IGF1R: variants seen among roughly 807,000 people sequenced by gnomAD.
The protein encoded by IGF1R is insulin like growth factor 1 receptor, also known as insulin-like growth factor 1 receptor.
A neutral mutation model predicts 144.6 loss-of-function variants in IGF1R; 44 were observed. The observed-to-expected ratio is 0.30, with a 90% CI of 0.24 to 0.39. IGF1R has a LOEUF of 0.39. Among genes scored for constraint, IGF1R ranks in the 10% least tolerant of loss-of-function variants. The probability of loss-of-function intolerance (pLI) is 1.00; values close to 1 mark genes in which losing one functional copy is unlikely to be tolerated. For missense variants in IGF1R, 1,355 were observed against 1,833.7 expected (o/e 0.74, Z 4.77); for synonymous variants, 795 against 722.8 (o/e 1.10, Z -1.60).
intron 2 of IGF1R, among the ~76,000 whole-genome samples, chr15:98,805,753 ATT>A (rs2056458032): frequency 6.6e-6 from 1 of 152,220 alleles, no homozygotes; most frequent in Non-Finnish European, 1.5e-5. Context: ...GCCATAAATT[ATT>A]GCTTTTGTAA....
At chr15:98,776,410 T>C (rs1372307194) in intron 2 of IGF1R, among the ~76,000 whole-genome samples, 1 of 152,130 alleles carries the variant, frequency 6.6e-6, no homozygotes, top group Non-Finnish European at 1.5e-5. Context: ...GGTCTTGAAC[T>C]CCTGACCTCA....
intron 1 of IGF1R, among the ~76,000 whole-genome samples, chr15:98,702,277 A>G (rs1429123197): frequency 6.6e-6 from 1 of 152,176 alleles, no homozygotes; most frequent in Non-Finnish European, 1.5e-5. Flanking sequence ...CTTGATCTTT[A>G]GAAAATACCT....
In IGF1R at chr15:98,649,549, T is replaced by TTTA; in HGVS notation, c.-33_-32insTTA. The TTTA allele has an allele frequency of 1.5e-6, 1 of 651,920 alleles. No individual in the cohort carries two copies. 40.4% of individuals were successfully genotyped at this position (651,920 alleles called of 1,614,324 possible). On this transcript the variant is annotated 5_prime_UTR_variant, in exon 1 of 21. Coordinates refer to ENST00000650285, the MANE Select transcript of IGF1R (RefSeq NM_000875.5). ...TCTTTTTTTTTTTTTTTTTTTTTTT[T>TTTA]GAGAAAGGGGAATTTCATCCCAAAT...
rs147525735 is a variant in IGF1R at position 98,881,569 on chromosome 15, C to T, written c.641-9756C>T. 4.1e-3 allele frequency among the ~76,000 whole-genome samples: 630 copies of T among 152,284 alleles called. 2 individuals carry two copies. Among genetic ancestry groups the T allele is most frequent in the African/African-American group, 0.015 (606 of 41,562 alleles). The stretch of plus-strand genomic sequence containing the variant: ...AACTCTTGACCTCAGGTGATCCACC[C>T]GTCTCGGCCTTCCAAAGTGCTGGGA... On this transcript the variant is annotated intron_variant, in intron 2 of 20. Coordinates refer to ENST00000650285, the MANE Select transcript of IGF1R (RefSeq NM_000875.5).
At chr15:98,724,566 A>G (rs1220898236) in intron 2 of IGF1R, among the ~76,000 whole-genome samples, 2 of 152,218 alleles carry the variant, frequency 1.3e-5, no homozygotes, top group Non-Finnish European at 2.9e-5. Flanking sequence ...GACCTCTGTA[A>G]TAGACACGTT....
intron 2 of IGF1R, among the ~76,000 whole-genome samples, chr15:98,788,066 G>GTA (rs1297868835): frequency 1.4e-5 from 2 of 146,278 alleles, no homozygotes; most frequent in African/African-American, 2.7e-5. Flanking sequence ...CTCTCTCTGT[G>GTA]TGTGTGTGTG....
intron 1 of IGF1R, among the ~76,000 whole-genome samples, chr15:98,650,615 G>A (rs1461040784): frequency 6.6e-6 from 1 of 152,256 alleles, no homozygotes; most frequent in African/African-American, 2.4e-5. Flanking sequence ...AGCGCGGGGT[G>A]TAGTCGCCGC....
At chr15:98,943,152 C>T in intron 19 of IGF1R, 100 bp downstream of exon 19, 1 of 1,397,794 alleles carries the variant, frequency 7.2e-7, no homozygotes, top group Non-Finnish European at 1.0e-6. Flanking sequence ...TTCATTGTTA[C>T]CCGTTGCCAG....
chr15:98,662,017 C>T lies in IGF1R; in HGVS notation c.94+12342C>T, dbSNP rs947007005. ...TTGCTCTGTTGCCCAGGCTGGAGTG[C>T]AGTGGTGCAATCTCCGCTCACTGCA... is the stretch of plus-strand genomic sequence containing the variant. On this transcript the variant is annotated intron_variant, in intron 1 of 20. Transcript: ENST00000650285. Among the ~76,000 whole-genome samples the T allele has an allele frequency of 3.8e-5, 5 of 132,464 alleles. No homozygotes were observed. The South Asian group carries it at 9.8e-4, about 26-fold the overall frequency. 86.9% of individuals were successfully genotyped at this position (132,464 alleles called of 152,430 possible). A position where few individuals can be genotyped will look rare whatever the true frequency, so the allele number is the denominator to read the frequency against.
At chr15:98,885,019 C>T (rs908437127) in intron 2 of IGF1R, among the ~76,000 whole-genome samples, 4 of 152,124 alleles carry the variant, frequency 2.6e-5, no homozygotes, top group African/African-American at 9.7e-5. Context: ...TCTCTTGGCC[C>T]GCACTCTCTG....
chr15:98,793,503 A>T (rs1317651177), intron 2 of IGF1R, among the ~76,000 whole-genome samples: 1 of 152,198 alleles, frequency 6.6e-6, no homozygotes, highest in East Asian at 1.9e-4. Context: ...CAGCAGTCAG[A>T]ATACATTTTT....
At chr15:98,758,072 T>C (rs1052821627) in intron 2 of IGF1R, among the ~76,000 whole-genome samples, 2 of 152,232 alleles carry the variant, frequency 1.3e-5, no homozygotes, top group African/African-American at 4.8e-5. Context: ...GGATGTGTTC[T>C]CTGTCTTTTC....
At position 98,707,306 on chromosome 15, in the gene IGF1R, G is replaced by A. The variant is rs41521149; in HGVS notation, c.95-256G>A. On this transcript the variant is annotated intron_variant, in intron 1 of 20. Transcript: ENST00000650285. The surrounding 1 kb of genome is among the most constrained non-coding windows in gnomAD (Gnocchi z 6.7). ...GTAAGCTTTAGTTTGCACGGTTAAC[G>A]GGGATGGCCTCTCCCATGGTCGGTT... Among the ~76,000 whole-genome samples, 2,883 of 152,204 alleles carry A rather than the reference G, an allele frequency of 0.019. 92 individuals are homozygous for A. The highest frequency in any genetic ancestry group is 0.066 in the African/African-American group (2,743 of 41,524).
At chr15:98,888,755 T>C (rs2013766843) in intron 2 of IGF1R, among the ~76,000 whole-genome samples, 1 of 152,180 alleles carries the variant, frequency 6.6e-6, no homozygotes, top group Admixed American at 6.5e-5. Context: ...TCAGTTGGGA[T>C]TAGTTCAGTT....
chr15:98,688,414 C>CTGTGTGTGTGTGTG (rs10528336), intron 1 of IGF1R, among the ~76,000 whole-genome samples: 26 of 143,614 alleles, frequency 1.8e-4, no homozygotes, highest in African/African-American at 4.9e-4. Context: ...CAACACACAC[C>CTGTGTGTGTGTGTG]TGTGTGTGTG....
chr15:98,947,807 C>T (rs971023724), intron 19 of IGF1R, among the ~76,000 whole-genome samples: 1 of 152,218 alleles, frequency 6.6e-6, no homozygotes, highest in Non-Finnish European at 1.5e-5. Flanking sequence ...GTGCAGCCCA[C>T]CCTGGTCCCC....
At chr15:98,798,883 C>G (rs1414735930) in intron 2 of IGF1R, among the ~76,000 whole-genome samples, 1 of 152,100 alleles carries the variant, frequency 6.6e-6, no homozygotes. Flanking sequence ...TTACTGTGTA[C>G]CAGCTGTTGC....
Position 98,963,654 on chromosome 15 carries a change from CAT to C in IGF1R, c.*6214_*6215del, listed in dbSNP as rs975686696. 2 of 233,186 alleles carry C rather than the reference CAT, an allele frequency of 8.6e-6. No homozygotes were observed. The highest frequency in any genetic ancestry group is 4.4e-5 in the African/African-American group (2 of 45,350). The allele number at this position is 233,186 out of a possible 1,614,324, so 14.4% of individuals were successfully genotyped here. The stretch of plus-strand genomic sequence containing the variant: ...ATGATTACAGCATACACAGTGATCA[CAT>C]AAACGATGACAGCTATGGGGCACAC... On this transcript the variant is annotated 3_prime_UTR_variant, in exon 21 of 21. Coordinates refer to ENST00000650285, the MANE Select transcript of IGF1R (RefSeq NM_000875.5).
At chr15:98,766,959 T>C (rs1260874203) in intron 2 of IGF1R, among the ~76,000 whole-genome samples, 1 of 152,230 alleles carries the variant, frequency 6.6e-6, no homozygotes, top group African/African-American at 2.4e-5. Context: ...CAGGGCTGCA[T>C]GGTGTCAGCG....
Sources: allele counts gnomAD v4.1 joint callset (sites outside exome capture counted in the v4.1 genomes callset), GRCh38; gene constraint gnomAD v4.1.1; non-coding constraint Gnocchi (gnomAD v3.1); transcripts MANE v1.5; gene names NCBI Gene and HGNC (gene_info 2026-07-23, HGNC 2026-07-21).